Variants in SYNE1 observed in about 807,000 individuals in gnomAD.
The protein encoded by SYNE1 is nesprin-1.
A neutral mutation model predicts 1,111.0 loss-of-function variants in SYNE1; 616 were observed. That is an observed-to-expected ratio of 0.55 (90% CI 0.52 to 0.59). The LOEUF (loss-of-function observed/expected upper bound fraction) is 0.59. Among genes scored for constraint, SYNE1 ranks in the 20% least tolerant of loss-of-function variants. The pLI, the probability that SYNE1 is intolerant of heterozygous loss-of-function variation, is 0.00. For missense variants in SYNE1, 10,006 were observed against 10,417.0 expected (o/e 0.96, Z 1.72); for synonymous variants, 3,855 against 3,825.8 (o/e 1.01, Z -0.28).
At chr6:152,229,572 T>C (rs2082292497) in intron 115 of SYNE1, among the ~76,000 whole-genome samples, 1 of 152,172 alleles carries the variant, frequency 6.6e-6, no homozygotes, top group South Asian at 2.1e-4. Flanking sequence ...TGTGAAGTGC[T>C]TGTTCAGAGG....
chr6:152,572,951 T>G (rs560472374), intron 3 of SYNE1, among the ~76,000 whole-genome samples: 7 of 152,280 alleles, frequency 4.6e-5, no homozygotes, highest in Middle Eastern at 6.8e-3. Flanking sequence ...ATTTTAGGAA[T>G]GTAAACACCT....
intron 3 of SYNE1, among the ~76,000 whole-genome samples, chr6:152,570,478 C>T (rs1308735079): frequency 6.6e-6 from 1 of 152,108 alleles, no homozygotes; most frequent in Non-Finnish European, 1.5e-5. Flanking sequence ...CTCCGAAAAA[C>T]AAAAAGGTTG....
rs1452997662 is a variant in SYNE1 at position 152,310,473 on chromosome 6, A to G, written c.16942T>C (p.Leu5648=). The G allele has an allele frequency of 4.3e-6, 7 of 1,614,030 alleles. No homozygotes were observed. The Admixed American group carries it at 1.0e-4, about 23-fold the overall frequency. Residue 5648 remains leucine (L), a synonymous_variant, in exon 89 of 146, where the codon TTG becomes CTG. Transcript: ENST00000367255. Reference sequence around the variant, plus strand: ...GTCAGTGTTGCCTGGGCTTGCTCCAAGGCAGCTTGTAACTTTTTCAACTCT... The same window carrying G: ...GTCAGTGTTGCCTGGGCTTGCTCCAGGGCAGCTTGTAACTTTTTCAACTCT... The part of the protein sequence containing the change: ...EAELKKLQAA[L]EQAQATLTSP...
intron 126 of SYNE1, among the ~76,000 whole-genome samples, chr6:152,203,312 C>A (rs1587726373): frequency 1.3e-5 from 2 of 151,950 alleles, no homozygotes; most frequent in Admixed American, 6.6e-5. Flanking sequence ...TTTTATAGCA[C>A]CTTATCTACA....
intron 34 of SYNE1, among the ~76,000 whole-genome samples, chr6:152,433,175 A>G (rs1236744971): frequency 6.6e-6 from 1 of 151,766 alleles, no homozygotes; most frequent in Non-Finnish European, 1.5e-5. Flanking sequence ...AGAAATAAAC[A>G]CTCCAAGCCC....
intron 3 of SYNE1, among the ~76,000 whole-genome samples, chr6:152,556,525 A>T (rs1360771969): frequency 6.6e-6 from 1 of 152,118 alleles, no homozygotes; most frequent in Non-Finnish European, 1.5e-5. Context: ...CCATGAACTC[A>T]GACCAAAAGC....
At chr6:152,269,049 ACT>A (rs2092977114) in intron 99 of SYNE1, 104 bp downstream of exon 99, 2 of 1,530,236 alleles carry the variant, frequency 1.3e-6, no homozygotes, top group African/African-American at 1.4e-5. Context: ...ATAAAGAGAC[ACT>A]CTGTCTTTAG....
At chr6:152,368,821 C>T (rs572293844) in intron 61 of SYNE1, 151 bp downstream of exon 61, 1 of 929,672 alleles carries the variant, frequency 1.1e-6, no homozygotes, top group South Asian at 1.3e-5. Context: ...GATTGCAAGG[C>T]TAAGGAAACA....
chr6:152,505,191 T>C lies in SYNE1; in HGVS notation c.778+10A>G, dbSNP rs1564511193. The C allele has an allele frequency of 8.1e-6, 13 of 1,614,040 alleles. No homozygotes were observed. Among genetic ancestry groups the C allele is most frequent in the African/African-American group, 1.3e-5 (1 of 75,046 alleles). ...TAAGGTATATAACAGTCAATGAATATTCAGCCTACCTTCAGGATCTAGCAG... is the reference window on the plus strand; with the variant it reads ...TAAGGTATATAACAGTCAATGAATACTCAGCCTACCTTCAGGATCTAGCAG... On this transcript the variant is annotated intron_variant, in intron 9 of 145. Transcript: ENST00000367255.
At chr6:152,351,610 T>C (rs1414516414) in intron 70 of SYNE1, among the ~76,000 whole-genome samples, 13 of 152,218 alleles carry the variant, frequency 8.5e-5, no homozygotes, top group Admixed American at 8.5e-4. Flanking sequence ...ATAAATATGA[T>C]ATGTCATTTT....
chr6:152,495,444 A>G (rs2098993983), intron 11 of SYNE1, among the ~76,000 whole-genome samples: 1 of 152,208 alleles, frequency 6.6e-6, no homozygotes, highest in Non-Finnish European at 1.5e-5. Context: ...CCCTAGTGTT[A>G]GATATGAGTT....
intron 93 of SYNE1, among the ~76,000 whole-genome samples, chr6:152,299,551 A>G (rs1042448719): frequency 4.6e-5 from 7 of 152,204 alleles, no homozygotes; most frequent in Non-Finnish European, 7.3e-5. Context: ...AGGAACCAAC[A>G]CAAGGTTTCA....
intron 80 of SYNE1, 71 bp downstream of exon 80, chr6:152,325,887 A>C: frequency 6.4e-7 from 1 of 1,566,450 alleles, no homozygotes; most frequent in Non-Finnish European, 8.8e-7. Context: ...ATGAAGATTT[A>C]TTGATCATGT....
intron 76 of SYNE1, among the ~76,000 whole-genome samples, chr6:152,334,986 C>T (rs2096349525): frequency 6.6e-6 from 1 of 152,196 alleles, no homozygotes; most frequent in Admixed American, 6.5e-5. Flanking sequence ...GGCTGGAGTA[C>T]ATTCGCAAAG....
At chr6:152,209,125 CT>C (rs1373095016) in intron 124 of SYNE1, among the ~76,000 whole-genome samples, 4 of 152,186 alleles carry the variant, frequency 2.6e-5, no homozygotes, top group Non-Finnish European at 5.9e-5. Context: ...TAATGTTGCA[CT>C]TTAATACTAA....
chr6:152,524,528 C>T (rs1009474926), intron 5 of SYNE1, among the ~76,000 whole-genome samples: 13 of 151,972 alleles, frequency 8.6e-5, no homozygotes, highest in African/African-American at 3.1e-4. Flanking sequence ...AATCTAATGA[C>T]TCCCACAACC....
At chr6:152,279,147 C>CTTTTTTT (rs59520598) in intron 97 of SYNE1, among the ~76,000 whole-genome samples, 33 of 112,686 alleles carry the variant, frequency 2.9e-4, no homozygotes, top group Non-Finnish European at 4.4e-4. Flanking sequence ...CTTTTCTTTT[C>CTTTTTTT]TTTTTTTTTT....
At chr6:152,194,858 T>A (rs2073673678) in intron 127 of SYNE1, among the ~76,000 whole-genome samples, 1 of 152,208 alleles carries the variant, frequency 6.6e-6, no homozygotes, top group Non-Finnish European at 1.5e-5. Context: ...TTTAGTTATT[T>A]CAATTTCTTT....
At chr6:152,617,534 G>T (rs1415981995) in intron 3 of SYNE1, among the ~76,000 whole-genome samples, 1 of 152,164 alleles carries the variant, frequency 6.6e-6, no homozygotes, top group African/African-American at 2.4e-5. Context: ...TTTGTTAAAT[G>T]CATGAATGTA....
Sources: gnomAD v4.1 joint callset for allele counts (sites outside exome capture counted in the v4.1 genomes callset) on GRCh38, gnomAD v4.1.1 for gene constraint, MANE v1.5 for transcripts, NCBI Gene and HGNC (gene_info 2026-07-23, HGNC 2026-07-21) for gene names.